The following IQCK variants were observed in gnomAD, a reference collection of about 807,000 sequenced individuals.
IQCK encodes IQ domain-containing protein K.
Under a neutral mutation model 28.1 loss-of-function variants are expected in IQCK, and 29 were observed. That is an observed-to-expected ratio of 1.03 (90% confidence interval 0.77 to 1.41). The LOEUF is 1.41. Ranked by LOEUF, IQCK falls within the 40% of genes most tolerant of loss-of-function variation. IQCK has a pLI of 0.00. For synonymous variants in IQCK, 113 were observed against 115.1 expected (o/e 0.98, Z 0.12); for missense variants, 359 against 314.7 (o/e 1.14, Z -1.07).
At chr16:19,747,685 A>C (rs4782279) in intron 4 of IQCK, among the ~76,000 whole-genome samples, 51,394 of 151,810 alleles carry the variant, frequency 0.34, 13,497 homozygotes, top group African/African-American at 0.74. Flanking sequence ...ATTCCACTCT[A>C]TCCATCTGTG....
chr16:19,853,414 C>T (rs1158750267), intron 9 of IQCK, among the ~76,000 whole-genome samples: 2 of 152,100 alleles, frequency 1.3e-5, no homozygotes, highest in Non-Finnish European at 2.9e-5. Context: ...GGGCTTTTTC[C>T]CAAGCAAGGT....
chr16:19,748,683 T>G (rs926713379), intron 4 of IQCK, among the ~76,000 whole-genome samples: 11 of 152,170 alleles, frequency 7.2e-5, no homozygotes, highest in Non-Finnish European at 1.3e-4. Context: ...GAGGGTGTAA[T>G]TCTCTTACTG....
chr16:19,803,543 A>G (rs1308499257), intron 7 of IQCK, among the ~76,000 whole-genome samples: 3 of 152,136 alleles, frequency 2.0e-5, no homozygotes, highest in Non-Finnish European at 4.4e-5. Flanking sequence ...TACCAGTTTT[A>G]TGATTCAGGA....
At chr16:19,745,675 A>G (rs896799682) in intron 4 of IQCK, among the ~76,000 whole-genome samples, 18 of 152,058 alleles carry the variant, frequency 1.2e-4, no homozygotes, top group African/African-American at 4.3e-4. Context: ...CTACCTGAAA[A>G]CTTCATGGCT....
chr16:19,733,410 A>T (rs1347310429), intron 2 of IQCK, among the ~76,000 whole-genome samples: 1 of 152,096 alleles, frequency 6.6e-6, no homozygotes, highest in Non-Finnish European at 1.5e-5. Flanking sequence ...AAGTGCTGGG[A>T]TTACAGGCGT....
At chr16:19,747,201 C>T (rs547259659) in intron 4 of IQCK, among the ~76,000 whole-genome samples, 1 of 152,248 alleles carries the variant, frequency 6.6e-6, no homozygotes, top group East Asian at 1.9e-4. Flanking sequence ...TTCTTCTGGC[C>T]TTGGCTGGGT....
chr16:19,810,323 T>C (rs2055887025), intron 7 of IQCK, among the ~76,000 whole-genome samples: 1 of 150,426 alleles, frequency 6.6e-6, no homozygotes, highest in Non-Finnish European at 1.5e-5. Flanking sequence ...GGTGAAACCC[T>C]GTCTATACTA....
downstream of IQCK, among the ~76,000 whole-genome samples, chr16:19,830,679 G>A (rs910668101): frequency 1.8e-4 from 27 of 152,264 alleles, no homozygotes; most frequent in African/African-American, 5.8e-4. Context: ...GTAAAGGACC[G>A]GGCTTTGGAG....
At chr16:19,831,695 G>A (rs182772111), downstream of IQCK, among the ~76,000 whole-genome samples, 146 of 151,710 alleles carry the variant, frequency 9.6e-4, 2 homozygotes, top group South Asian at 0.01. Context: ...ACAAATCCAG[G>A]AGACAGGCAT....
At chr16:19,721,559 A>G (rs1977495346) in intron 1 of IQCK, among the ~76,000 whole-genome samples, 2 of 151,218 alleles carry the variant, frequency 1.3e-5, no homozygotes, top group African/African-American at 4.9e-5. Context: ...AATCAAGACA[A>G]TCAAAGGATG....
At chr16:19,780,548 A>T (rs952520323) in intron 6 of IQCK, among the ~76,000 whole-genome samples, 1 of 152,164 alleles carries the variant, frequency 6.6e-6, no homozygotes, top group Non-Finnish European at 1.5e-5. Context: ...CTCCAGCCAC[A>T]ACTAACTGTC....
At chr16:19,828,902 A>T (rs989724346), downstream of IQCK, among the ~76,000 whole-genome samples, 5 of 141,034 alleles carry the variant, frequency 3.5e-5, no homozygotes, top group African/African-American at 1.3e-4. Context: ...TATTATATAT[A>T]TTTTTATATA....
At chr16:19,807,942 C>T (rs1488937893) in intron 7 of IQCK, among the ~76,000 whole-genome samples, 2 of 152,134 alleles carry the variant, frequency 1.3e-5, no homozygotes, top group South Asian at 2.1e-4. Flanking sequence ...GATGATGTTC[C>T]TTAAATGAGT....
chr16:19,763,311 A>G (rs894389345), intron 4 of IQCK, among the ~76,000 whole-genome samples: 2 of 152,192 alleles, frequency 1.3e-5, no homozygotes, highest in African/African-American at 4.8e-5. Context: ...GTGGATCATC[A>G]TAAAGGTCTT....
chr16:19,718,567 G>C, intron 1 of IQCK, 80 bp downstream of exon 1: 2 of 1,301,196 alleles, frequency 1.5e-6, no homozygotes, highest in Non-Finnish European at 2.0e-6. Flanking sequence ...CCCACTGTGC[G>C]CCTGTCGGCT....
intron 9 of IQCK, among the ~76,000 whole-genome samples, chr16:19,845,314 A>G (rs2056405080): frequency 6.6e-6 from 1 of 152,282 alleles, no homozygotes; most frequent in South Asian, 2.1e-4. Flanking sequence ...AAGGCAGCAT[A>G]TAATATACAG....
At chr16:19,745,089 T>C (rs2054890270) in intron 4 of IQCK, among the ~76,000 whole-genome samples, 1 of 151,392 alleles carries the variant, frequency 6.6e-6, no homozygotes, top group African/African-American at 2.4e-5. Context: ...TTGGGTATAT[T>C]AAAAAATTTC....
chr16:19,801,297 T>G (rs1185285024), intron 7 of IQCK, among the ~76,000 whole-genome samples: 2 of 109,076 alleles, frequency 1.8e-5, no homozygotes, highest in Non-Finnish European at 3.2e-5. Flanking sequence ...TCTCTCTCTC[T>G]CTCTCTTTTT....
chr16:19,772,121 C>T (rs564160561), intron 6 of IQCK, among the ~76,000 whole-genome samples: 29 of 152,228 alleles, frequency 1.9e-4, no homozygotes, highest in African/African-American at 6.7e-4. Flanking sequence ...CCCAGGGGAT[C>T]GTAGGTACAA....
Sources: allele counts gnomAD v4.1 joint callset (sites outside exome capture counted in the v4.1 genomes callset), GRCh38; gene constraint gnomAD v4.1.1; transcripts MANE v1.5; gene names NCBI Gene and HGNC (gene_info 2026-07-23, HGNC 2026-07-21).